Variants in ZFAND3 observed in about 807,000 individuals in gnomAD.
ZFAND3 encodes the protein AN1-type zinc finger protein 3.
In ZFAND3, 10 loss-of-function variants were observed where a neutral mutation model predicts 29.6. That is an observed-to-expected ratio of 0.34 (90% CI 0.21 to 0.57). The LOEUF (loss-of-function observed/expected upper bound fraction) is 0.57, where lower values mean the gene tolerates loss of function less well. Ranked by LOEUF, ZFAND3 falls within the 20% of genes least tolerant of loss-of-function variation. ZFAND3 has a pLI of 0.86. For missense variants in ZFAND3, 230 were observed against 304.5 expected, an observed-to-expected ratio of 0.76 and a Z score of 1.82; for synonymous variants, 128 against 112.6, an observed-to-expected ratio of 1.14 and a Z score of -0.87.
At chr6:38,011,857 TA>T (rs750747151) in intron 2 of ZFAND3, among the ~76,000 whole-genome samples, 1 of 152,230 alleles carries the variant, frequency 6.6e-6, no homozygotes, top group African/African-American at 2.4e-5. Flanking sequence ...AAACTTCATG[TA>T]AATCTTTGGA....
In ZFAND3 at chr6:38,124,175, A is replaced by G. The variant is rs180793020; in HGVS notation, c.529+7436A>G. ...TGTATTTACAAACCTTGAACTAGAC[A>G]CAGAGTGCTGACTGGTGTATTTGCA... On this transcript the variant is annotated intron_variant, in intron 5 of 5. Coordinates refer to ENST00000287218, the MANE Select transcript of ZFAND3 (RefSeq NM_021943.3). 3.6e-3 allele frequency among the ~76,000 whole-genome samples: 548 copies of G among 152,314 alleles called. 1 individual carries two copies. Among genetic ancestry groups the G allele is most frequent in the Non-Finnish European group, 4.8e-3 (327 of 68,018 alleles).
At position 38,153,485 on chromosome 6, in the gene ZFAND3, G is replaced by A; in HGVS notation, c.*1096G>A. 2.0e-6 allele frequency: 2 copies of A among 985,624 alleles called. No individual in the cohort carries two copies. The highest frequency in any genetic ancestry group is 2.4e-6 in the Non-Finnish European group (2 of 830,088). The allele number at this position is 985,624 out of a possible 1,614,324, so 61.1% of individuals were successfully genotyped here. ...TCTACCATATAGCAAGTTTAGTAAG[G>A]GAAGGCAGCATACGTCCCAGGGACA... On this transcript the variant is annotated 3_prime_UTR_variant, in exon 6 of 6. Coordinates refer to ENST00000287218, the MANE Select transcript of ZFAND3 (RefSeq NM_021943.3).
chr6:37,908,194 C>A (rs1765444525), intron 1 of ZFAND3, among the ~76,000 whole-genome samples: 1 of 152,048 alleles, frequency 6.6e-6, no homozygotes, highest in African/African-American at 2.4e-5. Context: ...CATTTTAGAT[C>A]TGTCTCATTG....
intron 1 of ZFAND3, among the ~76,000 whole-genome samples, chr6:37,856,510 T>C (rs1438228119): frequency 6.6e-6 from 1 of 152,196 alleles, no homozygotes; most frequent in Non-Finnish European, 1.5e-5. Flanking sequence ...ATGAAGCAGA[T>C]ACCACCTACG....
chr6:38,014,211 TA>T (rs1420528554), intron 2 of ZFAND3, among the ~76,000 whole-genome samples: 1 of 152,152 alleles, frequency 6.6e-6, no homozygotes, highest in African/African-American at 2.4e-5. Context: ...TGTAAGTTTG[TA>T]AAACTTTTTA....
intron 1 of ZFAND3, among the ~76,000 whole-genome samples, chr6:37,865,466 A>G (rs1764574567): frequency 6.6e-6 from 1 of 152,218 alleles, no homozygotes; most frequent in Non-Finnish European, 1.5e-5. Flanking sequence ...TATGGCACAC[A>G]CAGATACACA....
chr6:37,871,142 G>A (rs1764688572), intron 1 of ZFAND3, among the ~76,000 whole-genome samples: 1 of 152,128 alleles, frequency 6.6e-6, no homozygotes, highest in Admixed American at 6.5e-5. Flanking sequence ...GACCTTTGAT[G>A]TTGTAATACA....
At chr6:37,970,370 A>C (rs1762364567) in intron 2 of ZFAND3, among the ~76,000 whole-genome samples, 1 of 152,198 alleles carries the variant, frequency 6.6e-6, no homozygotes, top group Non-Finnish European at 1.5e-5. Flanking sequence ...AGTAAAAATT[A>C]AAAGTCACAA....
intron 2 of ZFAND3, among the ~76,000 whole-genome samples, chr6:37,948,895 T>C (rs754625407): frequency 3.9e-5 from 6 of 152,224 alleles, no homozygotes; most frequent in East Asian, 1.9e-4. Flanking sequence ...TTTGCTATTA[T>C]GAATAGTGCT....
intron 2 of ZFAND3, among the ~76,000 whole-genome samples, chr6:38,060,139 G>C (rs1448798060): frequency 6.6e-6 from 1 of 152,132 alleles, no homozygotes; most frequent in Non-Finnish European, 1.5e-5. Flanking sequence ...TGGAGGACCA[G>C]TATTTAATAT....
chr6:38,112,665 G>T (rs1765342420), intron 4 of ZFAND3, among the ~76,000 whole-genome samples: 3 of 152,058 alleles, frequency 2.0e-5, no homozygotes, highest in Non-Finnish European at 4.4e-5. Flanking sequence ...ACCATGTTTG[G>T]ATTTTTTTTT....
intron 1 of ZFAND3, among the ~76,000 whole-genome samples, chr6:37,892,102 C>T (rs559687606): frequency 2.0e-5 from 3 of 152,226 alleles, no homozygotes; most frequent in Non-Finnish European, 2.9e-5. Flanking sequence ...TAACATAAAC[C>T]TCAATAAATT....
At chr6:38,042,383 C>T (rs368592454) in intron 2 of ZFAND3, among the ~76,000 whole-genome samples, 11 of 148,012 alleles carry the variant, frequency 7.4e-5, no homozygotes, top group African/African-American at 1.8e-4. Flanking sequence ...GGCGCCATCT[C>T]GGCTCACTGC....
At chr6:38,119,802 T>G (rs1283409780) in intron 5 of ZFAND3, among the ~76,000 whole-genome samples, 1 of 152,238 alleles carries the variant, frequency 6.6e-6, no homozygotes, top group Non-Finnish European at 1.5e-5. Flanking sequence ...AGCTTCCCTT[T>G]GATCTTCAAA....
At chr6:37,848,079 C>T (rs576417112) in intron 1 of ZFAND3, among the ~76,000 whole-genome samples, 1 of 152,288 alleles carries the variant, frequency 6.6e-6, no homozygotes, top group Admixed American at 6.5e-5. Context: ...AGTGATGATC[C>T]CTTTTAGATT....
chr6:38,116,765 T>C, intron 5 of ZFAND3, 26 bp downstream of exon 5: 1 of 1,610,408 alleles, frequency 6.2e-7, no homozygotes, highest in South Asian at 1.1e-5. Context: ...AGTGGCGTGA[T>C]GGAGACTATA....
At position 38,153,746 on chromosome 6, in the gene ZFAND3, A is replaced by G; in HGVS notation, c.*1357A>G. 3 of 985,516 alleles carry G rather than the reference A, an allele frequency of 3.0e-6. No individual in the cohort carries two copies. The highest frequency in any genetic ancestry group is 3.6e-6 in the Non-Finnish European group (3 of 829,984). The allele number at this position is 985,516 out of a possible 1,614,324, so 61.0% of individuals were successfully genotyped here. On this transcript the variant is annotated 3_prime_UTR_variant, in exon 6 of 6. Transcript: ENST00000287218. ...CAGGTGGGGCTGGGGCTGGGTGGAC[A>G]GGATCAGGATTCCCTTGAAAGCCCA...
At chr6:37,895,429 G>C (rs1248856943) in intron 1 of ZFAND3, among the ~76,000 whole-genome samples, 1 of 146,782 alleles carries the variant, frequency 6.8e-6, no homozygotes, top group African/African-American at 2.5e-5. Context: ...CGGCCTTCTG[G>C]GTTCAAGTGA....
rs541338426 is a variant in ZFAND3, at chr6:37,920,078, C to T, written c.72-9881C>T. On this transcript the variant is annotated intron_variant, in intron 1 of 5. Coordinates refer to ENST00000287218, the MANE Select transcript of ZFAND3 (RefSeq NM_021943.3). ...TTTTTTTTTTTTTTTTTTTTTGGCCCTTGTTAGTATTTAGTATAAAATAAT... is the reference window on the plus strand; with the variant it reads ...TTTTTTTTTTTTTTTTTTTTTGGCCTTTGTTAGTATTTAGTATAAAATAAT... Among the ~76,000 whole-genome samples the T allele has an allele frequency of 1.6e-3, 207 of 128,200 alleles. 1 individual carries two copies. Among genetic ancestry groups the T allele is most frequent in the African/African-American group, 5.8e-3 (186 of 31,868 alleles). 84.1% of individuals were successfully genotyped at this position (128,200 alleles called of 152,430 possible).
Sources: gnomAD v4.1 joint callset for allele counts (sites outside exome capture counted in the v4.1 genomes callset) on GRCh38, gnomAD v4.1.1 for gene constraint, MANE v1.5 for transcripts, NCBI Gene and HGNC (gene_info 2026-07-23, HGNC 2026-07-21) for gene names.